The following COL11A1 variants were observed in gnomAD, a reference collection of about 807,000 sequenced individuals.
COL11A1 encodes collagen alpha-1(XI) chain.
Under a neutral mutation model 265.2 loss-of-function variants are expected in COL11A1, and 74 were observed. That is an observed-to-expected ratio of 0.28 (90% CI 0.23 to 0.34). The LOEUF (loss-of-function observed/expected upper bound fraction) is 0.34. Ranked by LOEUF, COL11A1 falls within the 10% of genes least tolerant of loss-of-function variation. COL11A1 has a pLI of 1.00. For synonymous variants in COL11A1, 816 were observed against 727.6 expected (o/e 1.12, Z -1.96); for missense variants, 2,165 against 2,263.6 (o/e 0.96, Z 0.88).
At chr1:102,943,471 ACACACACACAC>A (rs774254041) in intron 42 of COL11A1, among the ~76,000 whole-genome samples, 11 of 149,692 alleles carry the variant, frequency 7.3e-5, no homozygotes, top group South Asian at 4.2e-4. Context: ...ACACACACAC[ACACACACACAC>A]ACAAACAACC....
chr1:102,997,136 A>G lies in COL11A1; in HGVS notation c.2197-12T>C. On this transcript the variant is annotated splice_polypyrimidine_tract_variant and intron_variant, in intron 25 of 66. Coordinates refer to ENST00000370096, the MANE Select transcript of COL11A1 (RefSeq NM_001854.4). ...TTCCCAGGATGACCCTATATTTAGC[A>G]AAAACATACACTGATAAGATGTAAT... 1 of 1,605,736 alleles carries G rather than the reference A, an allele frequency of 6.2e-7. No individual in the cohort carries two copies. Among genetic ancestry groups the G allele is most frequent in the Non-Finnish European group, 8.5e-7 (1 of 1,172,772 alleles).
chr1:102,918,775 G>C (rs1398681187), intron 49 of COL11A1, among the ~76,000 whole-genome samples: 2 of 152,044 alleles, frequency 1.3e-5, no homozygotes, highest in African/African-American at 2.4e-5. Context: ...AGTTGGCAAA[G>C]TGTTACTATA....
intron 14 of COL11A1, among the ~76,000 whole-genome samples, chr1:103,009,769 T>C (rs1456938937): frequency 1.3e-5 from 2 of 152,094 alleles, no homozygotes; most frequent in Admixed American, 6.5e-5. Context: ...GTAAAAGAAA[T>C]ATTAACGATG....
At chr1:103,074,477 T>A in intron 4 of COL11A1, 141 bp downstream of exon 4, 1 of 859,312 alleles carries the variant, frequency 1.2e-6, no homozygotes, top group Non-Finnish European at 1.8e-6. Context: ...ACCACTATAC[T>A]CACAGAGGAA....
At chr1:103,094,569 C>T (rs1673589821) in intron 1 of COL11A1, among the ~76,000 whole-genome samples, 1 of 152,018 alleles carries the variant, frequency 6.6e-6, no homozygotes, top group Admixed American at 6.6e-5. Flanking sequence ...TCTGCCATCC[C>T]TGAGAAAAGA....
chr1:102,894,482 C>T (rs1353324422), intron 57 of COL11A1, among the ~76,000 whole-genome samples: 1 of 152,074 alleles, frequency 6.6e-6, no homozygotes, highest in South Asian at 2.1e-4. Flanking sequence ...TGTAGTGACT[C>T]GTGATTGTGC....
intron 42 of COL11A1, among the ~76,000 whole-genome samples, chr1:102,943,186 A>G (rs1658908971): frequency 6.6e-6 from 1 of 151,894 alleles, no homozygotes; most frequent in Non-Finnish European, 1.5e-5. Flanking sequence ...ACTTCCACCT[A>G]TGGCTCATTT....
chr1:102,886,779 T>C, intron 63 of COL11A1, 28 bp downstream of exon 63: 1 of 1,613,682 alleles, frequency 6.2e-7, no homozygotes, highest in Non-Finnish European at 8.5e-7. Context: ...GCTCGGTACA[T>C]TTGCTTTGTC....
intron 1 of COL11A1, among the ~76,000 whole-genome samples, chr1:103,098,348 C>T (rs1164684559): frequency 1.3e-5 from 2 of 151,876 alleles, no homozygotes; most frequent in Non-Finnish European, 2.9e-5. Flanking sequence ...AAGCCAGATA[C>T]ATTTCTATTT....
Position 103,105,123 on chromosome 1 carries a change from T to A in COL11A1, c.106+2950A>T, listed in dbSNP as rs191200476. Among the ~76,000 whole-genome samples, 101 of 152,260 alleles carry A rather than the reference T, an allele frequency of 6.6e-4. 1 individual carries two copies. Among genetic ancestry groups the A allele is most frequent in the African/African-American group, 2.2e-3 (93 of 41,564 alleles). ...CTTCATTATAGCTAAGTCTAACTCT[T>A]ACTTAAAACCCTTACATAAACTCAT... On this transcript the variant is annotated intron_variant, in intron 1 of 66. Transcript: ENST00000370096.
rs189575426 is a variant in COL11A1, at chr1:103,018,575, G to A, written c.1350+243C>T. ...CTTTCATATATTTCAGTAGAAAGAC[G>A]AAAATGAGTTTAGAAGATGCAGAGG... On this transcript the variant is annotated intron_variant, in intron 10 of 66. Transcript: ENST00000370096. 1.4e-4 allele frequency among the ~76,000 whole-genome samples: 21 copies of A among 152,198 alleles called. No homozygotes were observed. In the East Asian group the frequency reaches 3.3e-3, roughly 24 times the overall value.
At chr1:103,099,100 A>ATTCTGTTCTAGATGCT (rs1553256862) in intron 1 of COL11A1, among the ~76,000 whole-genome samples, 4 of 151,808 alleles carry the variant, frequency 2.6e-5, no homozygotes, top group Non-Finnish European at 5.9e-5. Context: ...TATGTGGTGG[A>ATTCTGTTCTAGATGCT]TTCTGTTCTA....
In COL11A1 at chr1:102,926,401, T is replaced by C. The variant is rs186121599; in HGVS notation, c.3601-3012A>G. Reference sequence around the variant, plus strand: ...TGTGTGTGTGTGTATATATCCTTCATATGCAGATGACAGTAAACATCAAAT... The same window carrying C: ...TGTGTGTGTGTGTATATATCCTTCACATGCAGATGACAGTAAACATCAAAT... On this transcript the variant is annotated intron_variant, in intron 46 of 66. Coordinates refer to ENST00000370096, the MANE Select transcript of COL11A1 (RefSeq NM_001854.4). 1.8e-3 allele frequency among the ~76,000 whole-genome samples: 271 copies of C among 152,296 alleles called. 1 individual carries two copies. The highest frequency in any genetic ancestry group is 2.9e-3 in the Non-Finnish European group (200 of 67,990).
In COL11A1 at chr1:102,889,468, G is replaced by T; in HGVS notation, c.4451C>A (p.Ala1484Glu). 2 of 1,610,078 alleles carry T rather than the reference G, an allele frequency of 1.2e-6. No homozygotes were observed. The highest frequency in any genetic ancestry group is 1.7e-6 in the Non-Finnish European group (2 of 1,178,348). Residue 1484 changes from alanine (A) to glutamate (E), a missense_variant, in exon 59 of 67, where the codon GCA (alanine) becomes GAA (glutamate). Ala to Glu is a moderately radical substitution (Grantham distance 107). Coordinates refer to ENST00000370096, the MANE Select transcript of COL11A1 (RefSeq NM_001854.4). ...GLPGTQGSPG[A>E]KGDGGIPGPA... ...ATTTTTACTCACCCCATCCCCTTTT[G>T]CTCCTGGAGATCCTTGAGTTCCAGG... is the stretch of plus-strand genomic sequence containing the variant.
chr1:103,024,962 A>T (rs541382320), intron 7 of COL11A1, among the ~76,000 whole-genome samples: 1 of 152,308 alleles, frequency 6.6e-6, no homozygotes, highest in South Asian at 2.1e-4. Flanking sequence ...ACATGTACTT[A>T]AATATTTTCA....
At chr1:103,066,909 T>C (rs1671200371) in intron 4 of COL11A1, among the ~76,000 whole-genome samples, 1 of 151,872 alleles carries the variant, frequency 6.6e-6, no homozygotes, top group African/African-American at 2.4e-5. Context: ...TCACATAAAG[T>C]AGACGTCAAG....
intron 4 of COL11A1, among the ~76,000 whole-genome samples, chr1:103,067,024 C>G (rs1010950522): frequency 1.3e-5 from 2 of 151,508 alleles, no homozygotes; most frequent in African/African-American, 4.8e-5. Context: ...GCAATACATG[C>G]CGCAAAAAAT....
At chr1:102,961,812 A>C in intron 41 of COL11A1, 54 bp downstream of exon 41, 7 of 1,467,470 alleles carry the variant, frequency 4.8e-6, no homozygotes, top group Non-Finnish European at 5.7e-6. Context: ...TAATGAAAGA[A>C]GAGCTGTAAT....
intron 9 of COL11A1, 66 bp from the exon 10 acceptor site, chr1:103,018,925 TA>T: frequency 8.2e-7 from 1 of 1,220,928 alleles, no homozygotes; most frequent in Non-Finnish European, 1.2e-6. Flanking sequence ...ATTACATGAA[TA>T]TAAGAGAACA....
Sources: allele counts gnomAD v4.1 joint callset (sites outside exome capture counted in the v4.1 genomes callset), GRCh38; gene constraint gnomAD v4.1.1; transcripts MANE v1.5; gene names NCBI Gene and HGNC (gene_info 2026-07-23, HGNC 2026-07-21).